RBFOX1: variants seen among roughly 807,000 people sequenced by gnomAD.
The protein encoded by RBFOX1 is RNA binding protein fox-1 homolog 1.
RBFOX1 carries 8 observed loss-of-function variants against 57.7 expected under a neutral mutation model. The observed-to-expected ratio is 0.14, with a 90% CI of 0.08 to 0.25. The LOEUF is 0.25. RBFOX1 is among the 10% of genes least tolerant of loss of function. RBFOX1 has a pLI of 1.00. For synonymous variants in RBFOX1, 326 were observed against 222.4 expected, an observed-to-expected ratio of 1.47 and a Z score of -4.15; for missense variants, 611 against 548.5, an observed-to-expected ratio of 1.11 and a Z score of -1.14.
At position 6,618,651 on chromosome 16, in the gene RBFOX1, A is replaced by G. The variant is rs529508856; in HGVS notation, c.-63-35952A>G. ...AGGTTACGTGGCTAGTGCGTGAGAG[A>G]ACTGGCTTTCAAATTCACATCACTT... On this transcript the variant is annotated intron_variant, in intron 2 of 15. Coordinates refer to ENST00000550418, the MANE Select transcript of RBFOX1 (RefSeq NM_018723.4). Among the ~76,000 whole-genome samples the G allele has an allele frequency of 1.4e-4, 22 of 152,278 alleles. 1 individual carries two copies. Among genetic ancestry groups the G allele is most frequent in the Admixed American group, 5.9e-4 (9 of 15,300 alleles).
rs1206911852 is a variant in RBFOX1 at position 5,722,036 on chromosome 16, C to T, written c.318+123075C>T. 4.6e-5 allele frequency among the ~76,000 whole-genome samples: 7 copies of T among 152,174 alleles called. No individual in the cohort carries two copies. In the East Asian group the frequency reaches 7.7e-4, roughly 17 times the overall value. ...TGGGTTGGGCTCTAAGGAGAATCCT[C>T]ATGTGGTAGAATCATAAATCCGAAG... On this transcript the variant is annotated intron_variant, in intron 3 of 19. Transcript: ENST00000641259.
At chr16:7,506,799 A>G (rs114618581) in intron 4 of RBFOX1, among the ~76,000 whole-genome samples, 2,584 of 138,108 alleles carry the variant, frequency 0.019, 81 homozygotes, top group African/African-American at 0.061. Context: ...ATAATGAGGT[A>G]TGTGATCTGC....
At chr16:7,030,418 T>A (rs1568446785) in intron 3 of RBFOX1, among the ~76,000 whole-genome samples, 1 of 152,182 alleles carries the variant, frequency 6.6e-6, no homozygotes, top group Non-Finnish European at 1.5e-5. Flanking sequence ...AGGCCACAAG[T>A]CTGAAATCAA....
At chr16:7,597,330 G>A in intron 8 of RBFOX1, 41 bp from the exon 9 acceptor site, 5 of 1,461,850 alleles carry the variant, frequency 3.4e-6, no homozygotes, top group Non-Finnish European at 4.7e-6. Flanking sequence ...TTGGGAGCTG[G>A]CCCTAGAATA....
intron 2 of RBFOX1, among the ~76,000 whole-genome samples, chr16:5,558,102 T>A (rs533470828): frequency 6.8e-4 from 103 of 152,258 alleles, no homozygotes; most frequent in African/African-American, 2.4e-3. Flanking sequence ...CTCCCATCAC[T>A]CAATAATACC....
intron 3 of RBFOX1, among the ~76,000 whole-genome samples, chr16:6,719,927 T>A (rs187257114): frequency 6.6e-6 from 1 of 151,844 alleles, no homozygotes; most frequent in African/African-American, 2.4e-5. Context: ...AACCCATCTC[T>A]ACTAAAAATA....
chr16:6,589,123 G>A (rs1358816303), intron 2 of RBFOX1, among the ~76,000 whole-genome samples: 6 of 151,848 alleles, frequency 4.0e-5, no homozygotes, highest in African/African-American at 1.5e-4. Flanking sequence ...CCTAAATATT[G>A]GCTGTACCCA....
intron 3 of RBFOX1, among the ~76,000 whole-genome samples, chr16:5,692,889 A>C (rs1212856196): frequency 6.6e-6 from 1 of 152,218 alleles, no homozygotes; most frequent in Non-Finnish European, 1.5e-5. Context: ...TCAAAGGTGA[A>C]GACATGGCAC....
chr16:6,864,201 T>G (rs1422652406), intron 3 of RBFOX1, among the ~76,000 whole-genome samples: 2 of 152,164 alleles, frequency 1.3e-5, no homozygotes, highest in Non-Finnish European at 2.9e-5. Context: ...AATAATTCAC[T>G]TTTTTCTTCT....
intron 1 of RBFOX1, among the ~76,000 whole-genome samples, chr16:5,343,548 C>G (rs2065078752): frequency 6.6e-6 from 1 of 151,670 alleles, no homozygotes; most frequent in African/African-American, 2.4e-5. Context: ...GTCTTGATAT[C>G]CTGTCCTCGT....
chr16:7,293,902 G>A (rs1481811135), intron 4 of RBFOX1, among the ~76,000 whole-genome samples: 1 of 152,130 alleles, frequency 6.6e-6, no homozygotes, highest in Admixed American at 6.5e-5. Context: ...GAGACCCTGG[G>A]AAGGTCCAGG....
intron 3 of RBFOX1, among the ~76,000 whole-genome samples, chr16:6,865,691 G>T (rs1186558066): frequency 6.6e-6 from 1 of 152,068 alleles, no homozygotes; most frequent in Non-Finnish European, 1.5e-5. Flanking sequence ...TAGTTAATAA[G>T]TTCATTTTAC....
intron 3 of RBFOX1, among the ~76,000 whole-genome samples, chr16:5,748,657 G>T (rs1390761143): frequency 6.6e-6 from 1 of 151,976 alleles, no homozygotes; most frequent in Non-Finnish European, 1.5e-5. Flanking sequence ...ATCTTTGTTG[G>T]TTTAAAGTCT....
chr16:6,800,612 G>C (rs181278794), intron 3 of RBFOX1, among the ~76,000 whole-genome samples: 5 of 152,082 alleles, frequency 3.3e-5, no homozygotes, highest in Admixed American at 3.3e-4. Context: ...GCAAATTCAG[G>C]ATACCAACAT....
chr16:7,305,305 G>A (rs1044885655), intron 4 of RBFOX1, among the ~76,000 whole-genome samples: 1 of 151,952 alleles, frequency 6.6e-6, no homozygotes, highest in Non-Finnish European at 1.5e-5. Flanking sequence ...TTTCTTTATT[G>A]GAAGGGTTGC....
chr16:6,222,723 T>G (rs1293890819), intron 1 of RBFOX1, among the ~76,000 whole-genome samples: 1 of 121,172 alleles, frequency 8.3e-6, no homozygotes, highest in African/African-American at 3.0e-5. Flanking sequence ...TATTATGCTT[T>G]AAGTTTTAGG....
At chr16:6,963,310 G>A (rs946992085) in intron 3 of RBFOX1, among the ~76,000 whole-genome samples, 2 of 151,720 alleles carry the variant, frequency 1.3e-5, no homozygotes, top group Non-Finnish European at 2.9e-5. Flanking sequence ...TGCTCTTGTT[G>A]TTTTAAAATA....
chr16:6,499,989 T>C (rs893951733), intron 2 of RBFOX1, among the ~76,000 whole-genome samples: 1 of 152,136 alleles, frequency 6.6e-6, no homozygotes, highest in Non-Finnish European at 1.5e-5. Context: ...CTTTCAGCAT[T>C]TTTTGGGACC....
At chr16:6,276,992 A>G (rs1201852623) in intron 1 of RBFOX1, among the ~76,000 whole-genome samples, 2 of 152,326 alleles carry the variant, frequency 1.3e-5, no homozygotes, top group African/African-American at 4.8e-5. Flanking sequence ...GTACATTTCC[A>G]GAAGAAATGG....
Sources: gnomAD v4.1 joint callset for allele counts (sites outside exome capture counted in the v4.1 genomes callset) on GRCh38, gnomAD v4.1.1 for gene constraint, MANE v1.5 for transcripts, NCBI Gene and HGNC (gene_info 2026-07-23, HGNC 2026-07-21) for gene names.